The following AGGF1 variants were observed in gnomAD, a reference collection of about 807,000 sequenced individuals.
AGGF1 encodes the protein angiogenic factor with G-patch and FHA domains 1, also known as angiogenic factor with G patch and FHA domains 1.
A neutral mutation model predicts 86.5 loss-of-function variants in AGGF1; 56 were observed. The ratio of observed to expected loss-of-function variants is 0.65; its 90% CI spans 0.52 to 0.81. The LOEUF (loss-of-function observed/expected upper bound fraction) is 0.81, where lower values mean the gene tolerates loss of function less well. Ranked by LOEUF, AGGF1 falls within the 30% of genes least tolerant of loss-of-function variation. The pLI is 0.00. For synonymous variants in AGGF1, 313 were observed against 297.1 expected (o/e 1.05, Z -0.55); for missense variants, 816 against 850.9 (o/e 0.96, Z 0.51).
Position 77,036,647 on chromosome 5 carries a change from C to G in AGGF1, c.608C>G (p.Ser203Ter). The change falls in exon 4 of 14, where the codon TCA (serine) becomes TGA (stop). Residue 203 changes from serine to a stop codon, truncating the protein, a stop_gained. Transcript: ENST00000312916. LOFTEE classifies it high-confidence loss of function. Reference sequence around the variant, plus strand: ...AGAGCTGCAGCAGAAGCGGCTGTATCACAGACTGGATTTAGTTATGATGAA... The same window carrying G: ...AGAGCTGCAGCAGAAGCGGCTGTATGACAGACTGGATTTAGTTATGATGAA... The part of the protein sequence containing the change: ...SLRAAAEAAV[S>*]QTGFSYDENT... 1 of 1,613,832 alleles carries G rather than the reference C, an allele frequency of 6.2e-7. No individual in the cohort carries two copies. Among genetic ancestry groups the G allele is most frequent in the Non-Finnish European group, 8.5e-7 (1 of 1,180,020 alleles).
chr5:77,044,424 C>A lies in AGGF1; in HGVS notation c.871-1923C>A, dbSNP rs1580129275. Among the ~76,000 whole-genome samples the A allele has an allele frequency of 2.0e-5, 3 of 152,084 alleles. No homozygotes were observed. The South Asian group carries it at 6.2e-4, about 32-fold the overall frequency. ...CTTTATTTTTAAAGATATTTTTGAG[C>A]CTCACTTTTTGTAGGTGAAGGTTAT... On this transcript the variant is annotated intron_variant, in intron 5 of 13. Transcript: ENST00000312916.
chr5:77,034,544 T>A, intron 2 of AGGF1, 24 bp downstream of exon 2: 6 of 1,383,140 alleles, frequency 4.3e-6, no homozygotes, highest in Non-Finnish European at 6.2e-6. Flanking sequence ...AGTGAGGATA[T>A]GCTAACACTG....
At chr5:77,060,118 C>T (rs1747531231) in intron 12 of AGGF1, among the ~76,000 whole-genome samples, 1 of 152,140 alleles carries the variant, frequency 6.6e-6, no homozygotes, top group African/African-American at 2.4e-5. Flanking sequence ...TTGGGATTAC[C>T]GGCGTGAGCT....
intron 2 of AGGF1, among the ~76,000 whole-genome samples, chr5:77,035,239 A>T (rs942326690): frequency 6.6e-6 from 1 of 152,184 alleles, no homozygotes; most frequent in African/African-American, 2.4e-5. Context: ...TTTAAATAGA[A>T]CACAACCTAT....
intron 5 of AGGF1, among the ~76,000 whole-genome samples, chr5:77,040,936 C>G (rs1481004657): frequency 6.6e-6 from 1 of 152,144 alleles, no homozygotes; most frequent in Non-Finnish European, 1.5e-5. Flanking sequence ...CATCATGGCT[C>G]ACTGCATCCT....
rs570378829 is a variant in AGGF1, at chr5:77,057,014, G to A, written c.1716+1418G>A. 2.6e-5 allele frequency among the ~76,000 whole-genome samples: 4 copies of A among 152,256 alleles called. No individual in the cohort carries two copies. In the South Asian group the frequency reaches 8.3e-4, roughly 32 times the overall value. On this transcript the variant is annotated intron_variant, in intron 11 of 13. Coordinates refer to ENST00000312916, the MANE Select transcript of AGGF1 (RefSeq NM_018046.5). ...AAATAAACATCTGAAAAAATGTTCA[G>A]TATTATCAGTCTTTAAGGAAATGCA...
At chr5:77,050,516 T>C (rs1179434796) in intron 8 of AGGF1, among the ~76,000 whole-genome samples, 1 of 151,990 alleles carries the variant, frequency 6.6e-6, no homozygotes, top group African/African-American at 2.4e-5. Context: ...TCATTTAAAC[T>C]AACATCCGCT....
chr5:77,034,362 A>G (rs1175750181), intron 1 of AGGF1, 56 bp from the exon 2 acceptor site: 39 of 1,032,708 alleles, frequency 3.8e-5, no homozygotes, highest in Middle Eastern at 5.0e-4. Flanking sequence ...AGACTGGTAT[A>G]TATATTATTA....
intron 3 of AGGF1, 152 bp downstream of exon 3, chr5:77,035,895 T>G: frequency 1.3e-6 from 1 of 748,552 alleles, no homozygotes; most frequent in Non-Finnish European, 2.2e-6. Context: ...ATGTTGTAGT[T>G]TTTCCAAAAC....
In AGGF1 at chr5:77,048,256, C is replaced by A; in HGVS notation, c.1297C>A (p.Pro433Thr). 6.2e-6 allele frequency: 10 copies of A among 1,607,784 alleles called. No homozygotes were observed. The highest frequency in any genetic ancestry group is 8.5e-6 in the Non-Finnish European group (10 of 1,174,538). The change falls in exon 7 of 14, where the codon CCT (proline) becomes ACT (threonine). Residue 433 changes from proline to threonine, a missense_variant. Transcript: ENST00000312916. ...ACTCTTTATCATTACTGCTGTAAAC[C>A]CTGCTACAATTGGAAGGTAAAATGG... ...GSLFIITAVN[P>T]ATIGREKDME... is the part of the protein sequence containing the mutation.
intron 3 of AGGF1, 70 bp from the exon 4 acceptor site, chr5:77,036,486 G>A: frequency 6.5e-7 from 1 of 1,532,646 alleles, no homozygotes; most frequent in Non-Finnish European, 9.0e-7. Context: ...CTCAGGTCTT[G>A]AGTTCAGCCA....
At position 77,030,498 on chromosome 5, in the gene AGGF1, G is replaced by A. The variant is rs1318911926; in HGVS notation, c.-269G>A. ...CGACGCTCCTCCCTCTGTCTCTGTA[G>A]CTGGAGAAGGTAGTTTCCAGGAAAG... On this transcript the variant is annotated 5_prime_UTR_variant, in exon 1 of 14. Coordinates refer to ENST00000312916, the MANE Select transcript of AGGF1 (RefSeq NM_018046.5). 1.5e-6 allele frequency: 1 copy of A among 651,440 alleles called. No homozygotes were observed. The highest frequency in any genetic ancestry group is 3.1e-5 in the East Asian group (1 of 32,654). 40.4% of individuals were successfully genotyped at this position (651,440 alleles called of 1,614,324 possible).
chr5:77,039,939 G>A (rs1489207371), intron 5 of AGGF1, among the ~76,000 whole-genome samples: 1 of 152,018 alleles, frequency 6.6e-6, no homozygotes, highest in African/African-American at 2.4e-5. Flanking sequence ...ATAGATTAAG[G>A]TCAGATAAAA....
At position 77,048,223 on chromosome 5, in the gene AGGF1, A is replaced by G. The variant is rs1747305687; in HGVS notation, c.1264A>G (p.Ile422Val). The change falls in exon 7 of 14, where the codon ATA (isoleucine) becomes GTA (valine). Residue 422 changes from isoleucine (I) to valine (V), a missense_variant. Physicochemically the swap from Ile to Val is conservative, Grantham distance 29. This residue lies in a region of AGGF1 where 565 missense variants were observed against 585.8 expected (regional missense o/e 0.96). Coordinates refer to ENST00000312916, the MANE Select transcript of AGGF1 (RefSeq NM_018046.5). ...VIVIRSPVLQ[I>V]GSLFIITAVN... ...TGTCATTAGATCACCTGTGTTGCAG[A>G]TAGGATCACTCTTTATCATTACTGC... The G allele has an allele frequency of 3.1e-6, 5 of 1,613,902 alleles. No individual in the cohort carries two copies. The highest frequency in any genetic ancestry group is 4.2e-6 in the Non-Finnish European group (5 of 1,179,858).
At chr5:77,045,462 TGTTC>T (rs140420449) in intron 5 of AGGF1, among the ~76,000 whole-genome samples, 25,313 of 152,130 alleles carry the variant, frequency 0.17, 2,631 homozygotes, top group Non-Finnish European at 0.21. Context: ...AATTAAAAAA[TGTTC>T]ATTTATTATA....
intron 11 of AGGF1, among the ~76,000 whole-genome samples, chr5:77,057,978 CAAACT>C (rs1186578265): frequency 6.6e-6 from 1 of 152,124 alleles, no homozygotes; most frequent in Admixed American, 6.5e-5. Flanking sequence ...TCTAGGAAAG[CAAACT>C]AATGTATTGT....
chr5:77,052,826 A>T lies in AGGF1; in HGVS notation c.1467+19A>T. Reference sequence around the variant, plus strand: ...TCTTCAGGTGAGTGTATATGTGTTAATTTGTTACCTGCACATTATTTTTAA... The same window carrying T: ...TCTTCAGGTGAGTGTATATGTGTTATTTTGTTACCTGCACATTATTTTTAA... On this transcript the variant is annotated intron_variant, in intron 9 of 13. Coordinates refer to ENST00000312916, the MANE Select transcript of AGGF1 (RefSeq NM_018046.5). The T allele has an allele frequency of 6.5e-7, 1 of 1,540,710 alleles. No individual in the cohort carries two copies. The highest frequency in any genetic ancestry group is 9.0e-7 in the Non-Finnish European group (1 of 1,113,344).
At chr5:77,052,524 A>G (rs1747388065) in intron 8 of AGGF1, among the ~76,000 whole-genome samples, 182 bp from the exon 9 acceptor site, 1 of 152,130 alleles carries the variant, frequency 6.6e-6, no homozygotes, top group Non-Finnish European at 1.5e-5. Flanking sequence ...TATAGATGAC[A>G]TTTTCTTCTA....
chr5:77,030,612 G>GT lies in AGGF1; in HGVS notation c.-152dup. 1 of 851,620 alleles carries GT rather than the reference G, an allele frequency of 1.2e-6. No individual in the cohort carries two copies. The highest frequency in any genetic ancestry group is 1.9e-6 in the Non-Finnish European group (1 of 523,378). 52.8% of individuals were successfully genotyped at this position (851,620 alleles called of 1,614,324 possible). The stretch of plus-strand genomic sequence containing the variant: ...CGCAGCCCCGTTCGGCTACAAGTGA[G>GT]TTTCAGGGCGTCATGGCCAGGGGCC... On this transcript the variant is annotated 5_prime_UTR_variant, in exon 1 of 14. Transcript: ENST00000312916.
Sources: allele counts gnomAD v4.1 joint callset (sites outside exome capture counted in the v4.1 genomes callset), GRCh38; gene constraint gnomAD v4.1.1; regional missense constraint gnomAD v4.1.1; transcripts MANE v1.5; gene names NCBI Gene and HGNC (gene_info 2026-07-23, HGNC 2026-07-21).